The following TLN2 variants were observed in gnomAD, a reference collection of about 807,000 sequenced individuals.
The protein encoded by TLN2 is talin-2.
TLN2 carries 118 observed loss-of-function variants against 294.7 expected under a neutral mutation model. The observed-to-expected ratio is 0.40, with a 90% confidence interval of 0.34 to 0.47. The LOEUF (loss-of-function observed/expected upper bound fraction) is 0.47, where lower values mean the gene tolerates loss of function less well. TLN2 is among the 20% of genes least tolerant of loss of function. TLN2 has a pLI of 0.84. For missense variants in TLN2, 3,083 were observed against 3,282.2 expected (o/e 0.94, Z 1.48); for synonymous variants, 1,431 against 1,304.5 (o/e 1.10, Z -2.09).
chr15:62,602,372 C>T (rs901424759), intron 2 of TLN2, among the ~76,000 whole-genome samples: 17 of 152,094 alleles, frequency 1.1e-4, no homozygotes, highest in African/African-American at 2.4e-4. Context: ...TCTGTGATTG[C>T]GCCACCAATT....
Position 62,654,950 on chromosome 15 carries a change from C to G in TLN2, c.518-994C>G, listed in dbSNP as rs573736708. 5.3e-5 allele frequency among the ~76,000 whole-genome samples: 8 copies of G among 152,068 alleles called. No homozygotes were observed. The South Asian group carries it at 1.7e-3, about 32-fold the overall frequency. On this transcript the variant is annotated intron_variant, in intron 7 of 58. Transcript: ENST00000636159. ...TTATTACCCAGTCCACCTAGACTTC[C>G]TGGCCTCTTTCCTCCTTTCATTGTA...
intron 9 of TLN2, among the ~76,000 whole-genome samples, chr15:62,669,987 G>C (rs193270684): frequency 1.3e-5 from 2 of 152,190 alleles, no homozygotes; most frequent in African/African-American, 4.8e-5. Context: ...AGACTGCATA[G>C]GAGGCAGATT....
intron 1 of TLN2, among the ~76,000 whole-genome samples, chr15:62,547,417 T>A (rs1325658212): frequency 1.3e-5 from 2 of 152,248 alleles, no homozygotes; most frequent in Non-Finnish European, 2.9e-5. Context: ...GACATAGTAC[T>A]GGGTCCTGCA....
intron 11 of TLN2, among the ~76,000 whole-genome samples, chr15:62,683,319 G>C (rs773633933): frequency 5.3e-5 from 8 of 152,366 alleles, no homozygotes; most frequent in South Asian, 2.1e-4. Flanking sequence ...CAGCAGTCTT[G>C]ATCACAGCTG....
chr15:62,425,398 C>T (rs1595774780), intron 1 of TLN2, among the ~76,000 whole-genome samples: 1 of 152,172 alleles, frequency 6.6e-6, no homozygotes, highest in Admixed American at 6.5e-5. Flanking sequence ...TCCTCACAGC[C>T]CGGTAACTCC....
chr15:62,415,678 C>A lies in TLN2; in HGVS notation c.-238+24993C>A, dbSNP rs182981526. On this transcript the variant is annotated intron_variant, in intron 1 of 58. Coordinates refer to ENST00000636159, the MANE Select transcript of TLN2 (RefSeq NM_015059.3). ...GGAAGAGGCCCGCTGCCAGGCGCTCCTGGCACAGGGAACAGTGTGTTCCAA... is the reference window on the plus strand; with the variant it reads ...GGAAGAGGCCCGCTGCCAGGCGCTCATGGCACAGGGAACAGTGTGTTCCAA... Among the ~76,000 whole-genome samples, 727 of 152,350 alleles carry A rather than the reference C, an allele frequency of 4.8e-3. 6 individuals are homozygous for A. The highest frequency in any genetic ancestry group is 0.013 in the Admixed American group (196 of 15,304).
At chr15:62,616,354 G>A (rs1295064384) in intron 2 of TLN2, among the ~76,000 whole-genome samples, 1 of 152,200 alleles carries the variant, frequency 6.6e-6, no homozygotes, top group Admixed American at 6.5e-5. Flanking sequence ...GGCTTTATAA[G>A]TTGGTATTAC....
rs77168648 is a variant in TLN2 at position 62,411,878 on chromosome 15, C to T, written c.-238+21193C>T. On this transcript the variant is annotated intron_variant, in intron 1 of 58. Coordinates refer to ENST00000636159, the MANE Select transcript of TLN2 (RefSeq NM_015059.3). The stretch of plus-strand genomic sequence containing the variant: ...AATGGAAAGGAGACAAGGGGACCCA[C>T]GGGTTGTGTGGGAACTTTAGAAGAG... Among the ~76,000 whole-genome samples the T allele has an allele frequency of 7.8e-4, 119 of 152,228 alleles. 1 individual carries two copies. The highest frequency in any genetic ancestry group is 2.7e-3 in the African/African-American group (111 of 41,528).
intron 13 of TLN2, among the ~76,000 whole-genome samples, chr15:62,693,558 G>C (rs1043581928): frequency 6.6e-6 from 1 of 151,624 alleles, no homozygotes; most frequent in Non-Finnish European, 1.5e-5. Context: ...TTCAGCCTCT[G>C]TGGGAACTTG....
At chr15:62,714,212 T>A (rs2059623624) in intron 22 of TLN2, among the ~76,000 whole-genome samples, 1 of 142,300 alleles carries the variant, frequency 7.0e-6, no homozygotes, top group Non-Finnish European at 1.5e-5. Context: ...TTTTTTTCTT[T>A]TTTTTTTTGA....
intron 3 of TLN2, among the ~76,000 whole-genome samples, chr15:62,626,002 T>A (rs2049254827): frequency 6.6e-6 from 1 of 152,188 alleles, no homozygotes; most frequent in South Asian, 2.1e-4. Flanking sequence ...GATGCCACCT[T>A]CTTCCATGGG....
At position 62,698,822 on chromosome 15, in the gene TLN2, T is replaced by G. The variant is rs2058531270; in HGVS notation, c.1542T>G (p.Asp514Glu). ...TSMHAVQQAQDDLSELDSLPP... is the reference protein window; with the variant it reads ...TSMHAVQQAQEDLSELDSLPP... Reference sequence around the variant, plus strand: ...TGCACGCCGTCCAGCAGGCCCAGGATGATCTCAGTGAGCTCGACTCGCTGC... The same window carrying G: ...TGCACGCCGTCCAGCAGGCCCAGGAGGATCTCAGTGAGCTCGACTCGCTGC... The change falls in exon 16 of 59, where the codon GAT becomes GAG. Residue 514 changes from aspartate to glutamate, a missense_variant. Asp to Glu is a conservative substitution (Grantham distance 45). Coordinates refer to ENST00000636159, the MANE Select transcript of TLN2 (RefSeq NM_015059.3). The G allele has an allele frequency of 1.2e-6, 2 of 1,612,936 alleles. No homozygotes were observed. The highest frequency in any genetic ancestry group is 2.7e-5 in the African/African-American group (2 of 74,944).
chr15:62,646,167 T>G (rs556816093), intron 3 of TLN2, among the ~76,000 whole-genome samples: 46 of 85,188 alleles, frequency 5.4e-4, no homozygotes, highest in African/African-American at 1.9e-3. Context: ...TTTCTTTTCT[T>G]TCTTTTTTTT....
At chr15:62,564,925 A>AAT (rs1555430771) in intron 1 of TLN2, among the ~76,000 whole-genome samples, 1,785 of 80,542 alleles carry the variant, frequency 0.022, 54 homozygotes, top group Middle Eastern at 0.046. Context: ...AAAAAAAAAA[A>AAT]ATATATATAT....
At chr15:62,629,934 T>C (rs1281736131) in intron 3 of TLN2, among the ~76,000 whole-genome samples, 1 of 152,240 alleles carries the variant, frequency 6.6e-6, no homozygotes, top group Non-Finnish European at 1.5e-5. Flanking sequence ...GAGGGCACCA[T>C]AGATCATTTT....
intron 1 of TLN2, among the ~76,000 whole-genome samples, chr15:62,501,755 A>C (rs766538716): frequency 3.9e-5 from 6 of 152,218 alleles, no homozygotes; most frequent in Non-Finnish European, 7.3e-5. Flanking sequence ...GTGGCAGATG[A>C]TTGCATGCTC....
chr15:62,826,432 T>C (rs1390271245), intron 54 of TLN2, among the ~76,000 whole-genome samples: 1 of 152,222 alleles, frequency 6.6e-6, no homozygotes, highest in Non-Finnish European at 1.5e-5. Context: ...GCAGTTTCTC[T>C]GCCACCCATT....
At chr15:62,525,839 A>G (rs142090891) in intron 1 of TLN2, among the ~76,000 whole-genome samples, 1 of 152,252 alleles carries the variant, frequency 6.6e-6, no homozygotes, top group East Asian at 1.9e-4. Context: ...CTCCTTAGTC[A>G]GTGTGCCCCT....
intron 37 of TLN2, 63 bp from the exon 38 acceptor site, chr15:62,761,618 C>G: frequency 6.2e-7 from 1 of 1,606,256 alleles, no homozygotes; most frequent in South Asian, 1.1e-5. Context: ...GAGGTGATTA[C>G]TGTGGTTCAG....
Sources: gnomAD v4.1 joint callset for allele counts (sites outside exome capture counted in the v4.1 genomes callset) on GRCh38, gnomAD v4.1.1 for gene constraint, MANE v1.5 for transcripts, NCBI Gene and HGNC (gene_info 2026-07-23, HGNC 2026-07-21) for gene names.